Variants in ZNF410 observed in about 807,000 individuals in gnomAD.
ZNF410 encodes zinc finger protein 410.
A neutral mutation model predicts 54.8 loss-of-function variants in ZNF410; 18 were observed. The ratio of observed to expected loss-of-function variants is 0.33; its 90% CI spans 0.23 to 0.49. The LOEUF is 0.49. Among genes scored for constraint, ZNF410 ranks in the 20% least tolerant of loss-of-function variants. ZNF410 has a pLI of 0.99. For missense variants in ZNF410, 405 were observed against 569.6 expected (o/e 0.71, Z 2.94); for synonymous variants, 191 against 207.3 (o/e 0.92, Z 0.68).
At chr14:73,915,117 C>G (rs2055644047) in intron 8 of ZNF410, among the ~76,000 whole-genome samples, 1 of 150,528 alleles carries the variant, frequency 6.6e-6, no homozygotes. Flanking sequence ...ACAAAATTAT[C>G]CAGGTGTGGT....
At chr14:73,889,998 T>C in intron 1 of ZNF410, among the ~76,000 whole-genome samples, 1 of 152,024 alleles carries the variant, frequency 6.6e-6, no homozygotes, top group Admixed American at 6.6e-5. Context: ...AGTTGCACCA[T>C]GTTGGCCAGG....
intron 8 of ZNF410, chr14:73,914,189 T>G (rs1289902247): frequency 6.6e-6 from 1 of 151,068 alleles, no homozygotes; most frequent in Non-Finnish European, 1.5e-5. Flanking sequence ...CATGCCCAGC[T>G]TTTTTTTTGA....
intron 11 of ZNF410, among the ~76,000 whole-genome samples, chr14:73,929,840 A>G (rs2055885425): frequency 6.6e-6 from 1 of 151,886 alleles, no homozygotes; most frequent in East Asian, 1.9e-4. Context: ...AAAAATTACC[A>G]TGGGAAAAAT....
Position 73,897,975 on chromosome 14 carries a change from A to AAC in ZNF410, c.389-95_389-94insCA. 1.8e-5 allele frequency: 18 copies of AAC among 1,027,032 alleles called. No homozygotes were observed. The African/African-American group carries it at 2.5e-4, about 14-fold the overall frequency. 63.6% of individuals were successfully genotyped at this position (1,027,032 alleles called of 1,614,324 possible). A position where few individuals can be genotyped will look rare whatever the true frequency, so the allele number is the denominator to read the frequency against. ...TGACAGAGCGAGACGCCGTCTCAAAAAAAAAAAAAAAAAAAGGGACATGGA... is the reference window on the plus strand; with the variant it reads ...TGACAGAGCGAGACGCCGTCTCAAAAACAAAAAAAAAAAAAAAGGGACATGGA... On this transcript the variant is annotated intron_variant, in intron 4 of 11. Transcript: ENST00000555044.
intron 11 of ZNF410, among the ~76,000 whole-genome samples, chr14:73,925,995 C>CT (rs1242717310): frequency 2.0e-5 from 3 of 152,204 alleles, no homozygotes; most frequent in Non-Finnish European, 4.4e-5. Context: ...GACTGTGCCA[C>CT]TGTACTCCAG....
intron 10 of ZNF410, chr14:73,922,587 A>T (rs1442601428): frequency 6.5e-6 from 1 of 155,008 alleles, no homozygotes; most frequent in Non-Finnish European, 1.4e-5. Flanking sequence ...TTCAAAAGCC[A>T]TATCTTCTGG....
chr14:73,907,770 G>A (rs1311124889), intron 7 of ZNF410, among the ~76,000 whole-genome samples: 6 of 151,992 alleles, frequency 3.9e-5, no homozygotes, highest in Admixed American at 2.6e-4. Flanking sequence ...GCACATGCCT[G>A]TAATCCCAGC....
At chr14:73,895,940 C>T (rs902382381) in intron 3 of ZNF410, among the ~76,000 whole-genome samples, 1 of 152,154 alleles carries the variant, frequency 6.6e-6, no homozygotes, top group African/African-American at 2.4e-5. Flanking sequence ...GAGCTCTCTC[C>T]AGGAAAAATA....
chr14:73,924,337 C>G (rs2055797365), intron 11 of ZNF410, among the ~76,000 whole-genome samples: 1 of 152,164 alleles, frequency 6.6e-6, no homozygotes, highest in Non-Finnish European at 1.5e-5. Flanking sequence ...GCTTGCTCAC[C>G]TGCTGCTCAC....
intron 3 of ZNF410, chr14:73,896,049 A>G: frequency 2.3e-6 from 1 of 435,298 alleles, no homozygotes; most frequent in Non-Finnish European, 4.1e-6. Context: ...AAATTCTGTG[A>G]TGTCCAAATG....
At chr14:73,888,423 G>C (rs1293032098) in intron 1 of ZNF410, 1 of 152,112 alleles carries the variant, frequency 6.6e-6, no homozygotes, top group Non-Finnish European at 1.5e-5. Flanking sequence ...CCTACCAGTT[G>C]CTTACTGGGA....
At position 73,905,012 on chromosome 14, in the gene ZNF410, G is replaced by T; in HGVS notation, c.842G>T (p.Cys281Phe). 1 of 1,614,136 alleles carries T rather than the reference G, an allele frequency of 6.2e-7. No individual in the cohort carries two copies. The highest frequency in any genetic ancestry group is 1.1e-5 in the South Asian group (1 of 91,082). Residue 281 changes from cysteine to phenylalanine, a missense_variant, in exon 7 of 12, where the codon TGC becomes TTC. Transcript: ENST00000555044. The part of the protein sequence containing the change: ...RTHNGEKPFM[C>F]HESGCGKQFT... The stretch of plus-strand genomic sequence containing the variant: ...CACAATGGAGAGAAGCCCTTTATGT[G>T]CCATGAGTCTGGCTGTGGTAAGCAG...
chr14:73,907,734 A>G (rs1594755219), intron 7 of ZNF410, among the ~76,000 whole-genome samples: 5 of 152,134 alleles, frequency 3.3e-5, no homozygotes, highest in Admixed American at 2.6e-4. Context: ...TCTACTAAAA[A>G]TACAAAAATT....
chr14:73,905,943 A>T, intron 7 of ZNF410, among the ~76,000 whole-genome samples: 1 of 77,902 alleles, frequency 1.3e-5, no homozygotes, highest in Admixed American at 1.5e-4. Context: ...ATACATATAT[A>T]TACACACACA....
At chr14:73,909,033 TGATATCCTCA>T (rs2055535639) in intron 7 of ZNF410, among the ~76,000 whole-genome samples, 1 of 152,306 alleles carries the variant, frequency 6.6e-6, no homozygotes, top group Non-Finnish European at 1.5e-5. Context: ...GTATTAATCT[TGATATCCTCA>T]GATGGTGGGA....
intron 3 of ZNF410, 196 bp from the exon 4 acceptor site, chr14:73,896,120 G>A (rs985101178): frequency 2.8e-5 from 16 of 563,978 alleles, no homozygotes; most frequent in South Asian, 1.1e-4. Flanking sequence ...TGTTCCTCAC[G>A]TTTTGGCTGA....
intron 3 of ZNF410, chr14:73,894,422 G>A: frequency 1.5e-6 from 1 of 664,836 alleles, no homozygotes; most frequent in South Asian, 1.6e-5. Context: ...ATACATACTT[G>A]CTTTTTTTTT....
At chr14:73,921,950 C>T in intron 9 of ZNF410, 116 bp from the exon 10 acceptor site, 1 of 1,214,210 alleles carries the variant, frequency 8.2e-7, no homozygotes, top group Non-Finnish European at 1.2e-6. Context: ...GGGTGGCATC[C>T]CATCTATAGG....
chr14:73,891,120 A>G (rs1040631525), intron 1 of ZNF410, among the ~76,000 whole-genome samples: 4 of 152,042 alleles, frequency 2.6e-5, no homozygotes, highest in East Asian at 1.9e-4. Flanking sequence ...AATTTTAAAA[A>G]TTATCAAAAC....
Sources: allele counts gnomAD v4.1 joint callset (sites outside exome capture counted in the v4.1 genomes callset), GRCh38; gene constraint gnomAD v4.1.1; transcripts MANE v1.5; gene names NCBI Gene and HGNC (gene_info 2026-07-23, HGNC 2026-07-21).